Variants in COL12A1 observed in about 807,000 individuals in gnomAD.
The protein encoded by COL12A1 is collagen alpha-1(XII) chain.
In COL12A1, 114 loss-of-function variants were observed where a neutral mutation model predicts 349.7. The ratio of observed to expected loss-of-function variants is 0.33; its 90% CI spans 0.28 to 0.38. The LOEUF (loss-of-function observed/expected upper bound fraction) is 0.38, where lower values mean the gene tolerates loss of function less well. Ranked by LOEUF, COL12A1 falls within the 10% of genes least tolerant of loss-of-function variation. The probability of loss-of-function intolerance (pLI) is 1.00; values close to 1 mark genes in which losing one functional copy is unlikely to be tolerated. For synonymous variants in COL12A1, 1,369 were observed against 1,329.0 expected (o/e 1.03, Z -0.66); for missense variants, 3,284 against 3,756.9 (o/e 0.87, Z 3.29).
chr6:75,114,592 A>C (rs1768986142), intron 49 of COL12A1, among the ~76,000 whole-genome samples: 1 of 152,064 alleles, frequency 6.6e-6, no homozygotes, highest in South Asian at 2.1e-4. Flanking sequence ...CTCATAGAAA[A>C]GAAGCTATTC....
chr6:75,113,850 T>C, intron 49 of COL12A1, 106 bp from the exon 50 acceptor site: 4 of 878,104 alleles, frequency 4.6e-6, no homozygotes, highest in African/African-American at 1.7e-5. Flanking sequence ...TTTTAAATCT[T>C]TGCACCAGAA....
chr6:75,098,546 C>G (rs1768157901), intron 58 of COL12A1, among the ~76,000 whole-genome samples: 1 of 152,150 alleles, frequency 6.6e-6, no homozygotes. Flanking sequence ...GTGGTCCCAG[C>G]TACTTGGGAG....
intron 27 of COL12A1, among the ~76,000 whole-genome samples, chr6:75,139,745 T>A (rs569505274): frequency 6.6e-6 from 1 of 152,302 alleles, no homozygotes; most frequent in East Asian, 1.9e-4. Flanking sequence ...AAGCAGAACA[T>A]GCTGACCCTG....
chr6:75,123,533 T>C, intron 42 of COL12A1, 129 bp from the exon 43 acceptor site: 1 of 762,988 alleles, frequency 1.3e-6, no homozygotes, highest in South Asian at 1.6e-5. Flanking sequence ...ACCATTGTCA[T>C]CGGTACTGAC....
chr6:75,095,305 T>C (rs1433019933), intron 59 of COL12A1, 126 bp from the exon 60 acceptor site: 3 of 707,316 alleles, frequency 4.2e-6, no homozygotes, highest in Middle Eastern at 3.3e-4. Flanking sequence ...TCAGGAAAAA[T>C]AAAACCAAAT....
At position 75,111,916 on chromosome 6, in the gene COL12A1, A is replaced by G. The variant is rs16879426; in HGVS notation, c.7950+1288T>C. Among the ~76,000 whole-genome samples the G allele has an allele frequency of 6.9e-3, 1,043 of 151,926 alleles. 16 individuals are homozygous for G. The highest frequency in any genetic ancestry group is 0.024 in the African/African-American group (982 of 41,534). ...TTATCAAAAATCTGATTAATGAATA[A>G]GAACAACACTCTGGAAAGAAAGCAA... On this transcript the variant is annotated intron_variant, in intron 51 of 65. Transcript: ENST00000322507.
chr6:75,133,027 G>C (rs1766387196), intron 34 of COL12A1, among the ~76,000 whole-genome samples: 1 of 152,164 alleles, frequency 6.6e-6, no homozygotes, highest in Non-Finnish European at 1.5e-5. Flanking sequence ...TTTTGTCAGT[G>C]AAAGAGATTA....
chr6:75,156,694 A>T (rs1767788515), intron 14 of COL12A1, among the ~76,000 whole-genome samples, 171 bp from the exon 15 acceptor site: 1 of 152,218 alleles, frequency 6.6e-6, no homozygotes, highest in African/African-American at 2.4e-5. Flanking sequence ...GCCTAATCTC[A>T]TCAAGATCTC....
chr6:75,171,601 G>T (rs1028200925), intron 13 of COL12A1, among the ~76,000 whole-genome samples: 1 of 152,170 alleles, frequency 6.6e-6, no homozygotes, highest in African/African-American at 2.4e-5. Context: ...CTGGATAAAG[G>T]AAACATTCCT....
intron 3 of COL12A1, among the ~76,000 whole-genome samples, chr6:75,193,305 A>C (rs928949722): frequency 5.3e-5 from 8 of 152,136 alleles, no homozygotes; most frequent in African/African-American, 1.7e-4. Flanking sequence ...GAATATGTTA[A>C]CTGCAAATAT....
chr6:75,118,829 T>G (rs1459425412), intron 46 of COL12A1, among the ~76,000 whole-genome samples: 1 of 152,188 alleles, frequency 6.6e-6, no homozygotes, highest in Non-Finnish European at 1.5e-5. Context: ...TTGTCAATCC[T>G]GAACCACATC....
rs1488395060 is a variant in COL12A1, at chr6:75,142,002, C to T, written c.4957+30G>A. ...CACATGCATGTAAAGTGTTGTTTCC[C>T]ATTATCAGTGGAGCAGGAGCACAAC... On this transcript the variant is annotated intron_variant, in intron 27 of 65. Coordinates refer to ENST00000322507, the MANE Select transcript of COL12A1 (RefSeq NM_004370.6). The T allele has an allele frequency of 1.2e-5, 20 of 1,612,806 alleles. No individual in the cohort carries two copies. In the Admixed American group the frequency reaches 2.5e-4, roughly 20 times the overall value.
Position 75,131,060 on chromosome 6 carries a change from T to C in COL12A1, c.5938-79A>G. The C allele has an allele frequency of 2.6e-6, 4 of 1,566,734 alleles. No individual in the cohort carries two copies. In the South Asian group the frequency reaches 4.5e-5, roughly 18 times the overall value. On this transcript the variant is annotated intron_variant, in intron 35 of 65. Transcript: ENST00000322507. ...AGTCTTCAGTTAGTCATCACAATAG[T>C]ATTTATAATAAAATGTTGAGCCCAG...
intron 1 of COL12A1, among the ~76,000 whole-genome samples, chr6:75,205,522 C>G (rs946831779): frequency 6.6e-6 from 1 of 152,018 alleles, no homozygotes; most frequent in Non-Finnish European, 1.5e-5. Context: ...AAACACTGAA[C>G]GGGATGCTTT....
At chr6:75,143,226 CA>C in intron 26 of COL12A1, 25 bp downstream of exon 26, 1 of 1,611,590 alleles carries the variant, frequency 6.2e-7, no homozygotes, top group South Asian at 1.1e-5. Context: ...CAAATATTTT[CA>C]TATCTACTAT....
At chr6:75,113,544 G>A in intron 50 of COL12A1, 58 bp downstream of exon 50, 1 of 1,508,562 alleles carries the variant, frequency 6.6e-7, no homozygotes, top group Non-Finnish European at 8.9e-7. Context: ...TTTTAAAAGA[G>A]AAAAGAAAAA....
At chr6:75,147,941 C>T (rs756292373) in intron 22 of COL12A1, 137 bp from the exon 23 acceptor site, 183 of 943,752 alleles carry the variant, frequency 1.9e-4, no homozygotes, top group Non-Finnish European at 2.6e-4. Context: ...TATTTGGAAA[C>T]TATCAGATTA....
In COL12A1 at chr6:75,155,642, C is replaced by G; in HGVS notation, c.3443+20G>C. 1 of 1,585,974 alleles carries G rather than the reference C, an allele frequency of 6.3e-7. No individual in the cohort carries two copies. Among genetic ancestry groups the G allele is most frequent in the Non-Finnish European group, 8.5e-7 (1 of 1,170,352 alleles). The stretch of plus-strand genomic sequence containing the variant: ...AACAAATTAATTTCATCCTTTGATA[C>G]AAACGTAGTTAATTCCTACCTAAGT... On this transcript the variant is annotated intron_variant, in intron 16 of 65. Transcript: ENST00000322507.
chr6:75,202,662 T>C, intron 2 of COL12A1, 58 bp downstream of exon 2: 12 of 1,488,850 alleles, frequency 8.1e-6, no homozygotes, highest in Non-Finnish European at 1.1e-5. Flanking sequence ...GAAAGATGTG[T>C]TTTTTCCTTT....
Sources: allele counts gnomAD v4.1 joint callset (sites outside exome capture counted in the v4.1 genomes callset), GRCh38; gene constraint gnomAD v4.1.1; transcripts MANE v1.5; gene names NCBI Gene and HGNC (gene_info 2026-07-23, HGNC 2026-07-21).